The following GSG1L variants were observed in gnomAD, a reference collection of about 807,000 sequenced individuals.
The protein encoded by GSG1L is GSG1 like, also known as germ cell-specific gene 1-like protein.
Under a neutral mutation model 42.1 loss-of-function variants are expected in GSG1L, and 24 were observed. The observed-to-expected ratio is 0.57, with a 90% CI of 0.41 to 0.80. GSG1L has a LOEUF of 0.80. Ranked by LOEUF, GSG1L falls within the 30% of genes least tolerant of loss-of-function variation. The pLI, the probability that GSG1L is intolerant of heterozygous loss-of-function variation, is 0.00. For missense variants in GSG1L, 445 were observed against 472.2 expected, an observed-to-expected ratio of 0.94 and a Z score of 0.53; for synonymous variants, 215 against 203.5, an observed-to-expected ratio of 1.06 and a Z score of -0.48.
chr16:27,925,494 G>A (rs763107101), intron 2 of GSG1L, among the ~76,000 whole-genome samples: 1 of 152,196 alleles, frequency 6.6e-6, no homozygotes, highest in Non-Finnish European at 1.5e-5. Context: ...TTGTGGTCAT[G>A]GGAAGCCACT....
chr16:27,867,788 T>G (rs1359581500), intron 3 of GSG1L, among the ~76,000 whole-genome samples: 1 of 135,138 alleles, frequency 7.4e-6, no homozygotes, highest in African/African-American at 3.3e-5. Flanking sequence ...GGCTTCCTCC[T>G]GAGGCCACGC....
At chr16:28,012,251 C>T (rs2085729085) in intron 1 of GSG1L, among the ~76,000 whole-genome samples, 1 of 152,136 alleles carries the variant, frequency 6.6e-6, no homozygotes, top group Non-Finnish European at 1.5e-5. Context: ...CCCACCACCC[C>T]TTAAACACAG....
At chr16:28,062,111 C>G (rs756987) in intron 1 of GSG1L, among the ~76,000 whole-genome samples, 69,009 of 151,534 alleles carry the variant, frequency 0.46, 15,900 homozygotes, top group East Asian at 0.69. Context: ...TCAATTCACT[C>G]AGGAGGGTGT....
intron 1 of GSG1L, among the ~76,000 whole-genome samples, chr16:28,019,784 A>C (rs2085818575): frequency 6.6e-6 from 1 of 152,226 alleles, no homozygotes. Context: ...GCTAGACCAC[A>C]GTCTTGCAGA....
chr16:28,013,571 C>T (rs559401047), intron 1 of GSG1L, among the ~76,000 whole-genome samples: 1 of 152,306 alleles, frequency 6.6e-6, no homozygotes, highest in Non-Finnish European at 1.5e-5. Flanking sequence ...TGTACGTCCA[C>T]ACATGGGCTT....
chr16:27,945,076 C>A (rs992979804), intron 2 of GSG1L, among the ~76,000 whole-genome samples: 823 of 86,554 alleles, frequency 9.5e-3, no homozygotes, highest in East Asian at 0.013. Context: ...GACCCTGTCT[C>A]AAAAAAAAAA....
At chr16:27,860,036 G>A (rs76791500) in intron 3 of GSG1L, among the ~76,000 whole-genome samples, 1 of 58,094 alleles carries the variant, frequency 1.7e-5, no homozygotes, top group Admixed American at 1.7e-4. Flanking sequence ...TCCCAGCAGG[G>A]GCTCCCTCTG....
In GSG1L at chr16:27,791,133, T is replaced by C; in HGVS notation, c.*237A>G. On this transcript the variant is annotated 3_prime_UTR_variant, in exon 7 of 7. Transcript: ENST00000447459. ...TGTGATGATGGCAAGAGTCCGGGGC[T>C]GCTGTCCCAAAGTCACTCTGTGCAG... is the stretch of plus-strand genomic sequence containing the variant. 1 of 372,986 alleles carries C rather than the reference T, an allele frequency of 2.7e-6. No homozygotes were observed. The highest frequency in any genetic ancestry group is 4.8e-6 in the Non-Finnish European group (1 of 209,878). The allele number at this position is 372,986 out of a possible 1,614,324, so 23.1% of individuals were successfully genotyped here.
At chr16:27,903,902 C>T (rs1359351104) in intron 2 of GSG1L, among the ~76,000 whole-genome samples, 3 of 152,130 alleles carry the variant, frequency 2.0e-5, no homozygotes, top group Non-Finnish European at 4.4e-5. Flanking sequence ...GTACAATGGC[C>T]GTTAACTCCC....
intron 1 of GSG1L, among the ~76,000 whole-genome samples, chr16:27,980,922 G>GAAAGAAAA (rs2085319648): frequency 7.0e-6 from 1 of 143,844 alleles, no homozygotes; most frequent in East Asian, 2.0e-4. Context: ...AAAAAAGAAA[G>GAAAGAAAA]AAAGAAAAAA....
intron 5 of GSG1L, among the ~76,000 whole-genome samples, chr16:27,810,251 G>A (rs2083016407): frequency 6.6e-6 from 1 of 152,158 alleles, no homozygotes; most frequent in African/African-American, 2.4e-5. Context: ...GGCTGCAGTG[G>A]GCAGATTGCT....
chr16:27,935,821 C>A (rs1009052590), intron 2 of GSG1L, among the ~76,000 whole-genome samples: 6 of 149,042 alleles, frequency 4.0e-5, no homozygotes, highest in African/African-American at 1.5e-4. Flanking sequence ...ACACAAGCAT[C>A]CATCCTCCTC....
In GSG1L at chr16:28,063,344, G is replaced by A; in HGVS notation, c.81C>T (p.Phe27=). The A allele has an allele frequency of 1.4e-6, 2 of 1,407,026 alleles. No individual in the cohort carries two copies. Among genetic ancestry groups the A allele is most frequent in the Non-Finnish European group, 1.9e-6 (2 of 1,073,654 alleles). 87.2% of individuals were successfully genotyped at this position (1,407,026 alleles called of 1,614,324 possible). A position where few individuals can be genotyped will look rare whatever the true frequency, so the allele number is the denominator to read the frequency against. Residue 27 remains phenylalanine, a synonymous_variant, in exon 1 of 7, where the codon TTC becomes TTT. Transcript: ENST00000447459. This position sits in a 1 kb window ranked among gnomAD's most constrained non-coding sequence, Gnocchi z 5.8. Reference sequence around the variant, plus strand: ...TGCCCTGGCACCAGTGCGTGGTGAGGAAAGCGGTGGTGGCGAACAGCAGCG... The same window carrying A: ...TGCCCTGGCACCAGTGCGTGGTGAGAAAAGCGGTGGTGGCGAACAGCAGCG... ...LLALLFATTA[F]LTTHWCQGTQ...
Position 27,852,113 on chromosome 16 carries a change from A to G in GSG1L, c.551-7052T>C, listed in dbSNP as rs760551354. 2.0e-5 allele frequency among the ~76,000 whole-genome samples: 3 copies of G among 152,230 alleles called. No homozygotes were observed. In the East Asian group the frequency reaches 5.8e-4, roughly 29 times the overall value. ...GATTAATTGATTTATAATAGAGTTT[A>G]TTACTAAAGATGCTAAGTTATTACT... On this transcript the variant is annotated intron_variant, in intron 3 of 6. Transcript: ENST00000447459.
chr16:27,833,374 T>G (rs2083291753), intron 4 of GSG1L, among the ~76,000 whole-genome samples: 1 of 152,178 alleles, frequency 6.6e-6, no homozygotes, highest in Non-Finnish European at 1.5e-5. Context: ...TCCACTAATA[T>G]CACACAGTCT....
At chr16:27,845,695 CTAT>C (rs556381497) in intron 3 of GSG1L, among the ~76,000 whole-genome samples, 172 of 152,158 alleles carry the variant, frequency 1.1e-3, no homozygotes, top group African/African-American at 4.0e-3. Context: ...CCCCAAAAGC[CTAT>C]TATATTTCTC....
At chr16:27,863,274 A>C (rs1260621415) in intron 3 of GSG1L, 1 of 152,196 alleles carries the variant, frequency 6.6e-6, no homozygotes, top group Non-Finnish European at 1.5e-5. Flanking sequence ...CAGCATATAC[A>C]TTAAAATTGG....
At chr16:27,800,106 G>A (rs2082864774) in intron 6 of GSG1L, among the ~76,000 whole-genome samples, 1 of 152,208 alleles carries the variant, frequency 6.6e-6, no homozygotes, top group African/African-American at 2.4e-5. Flanking sequence ...GACCCCCAGT[G>A]CTGAGGTCTC....
chr16:27,888,458 TTCTTTCTC>T lies in GSG1L; in HGVS notation c.398-3828_398-3821del, dbSNP rs1163634948. Reference sequence around the variant, plus strand: ...TTTCTTTCTTTCTTTCTTTCTTTCTTTCTTTCTCTCTCTCTCTCTCTTTCCTTTCTTTC... The same window carrying T: ...TTTCTTTCTTTCTTTCTTTCTTTCTTTCTCTCTCTCTCTTTCCTTTCTTTC... On this transcript the variant is annotated intron_variant, in intron 2 of 6. Coordinates refer to ENST00000447459, the MANE Select transcript of GSG1L (RefSeq NM_001109763.2). 2.8e-3 allele frequency among the ~76,000 whole-genome samples: 127 copies of T among 45,598 alleles called. 21 individuals are homozygous for T. Among genetic ancestry groups the T allele is most frequent in the African/African-American group, 7.8e-3 (117 of 14,932 alleles). 29.9% of individuals were successfully genotyped at this position (45,598 alleles called of 152,430 possible).
Sources: allele counts gnomAD v4.1 joint callset (sites outside exome capture counted in the v4.1 genomes callset), GRCh38; gene constraint gnomAD v4.1.1; non-coding constraint Gnocchi (gnomAD v3.1); transcripts MANE v1.5; gene names NCBI Gene and HGNC (gene_info 2026-07-23, HGNC 2026-07-21).